The following PRTG variants were observed in gnomAD, a reference collection of about 807,000 sequenced individuals.
PRTG encodes protogenin.
Under a neutral mutation model 122.5 loss-of-function variants are expected in PRTG, and 67 were observed. The ratio of observed to expected loss-of-function variants is 0.55; its 90% CI spans 0.45 to 0.67. PRTG has a LOEUF of 0.67. Among genes scored for constraint, PRTG ranks in the 30% least tolerant of loss-of-function variants. The pLI is 0.00. For synonymous variants in PRTG, 554 were observed against 501.1 expected, an observed-to-expected ratio of 1.11 and a Z score of -1.41; for missense variants, 1,435 against 1,415.4, an observed-to-expected ratio of 1.01 and a Z score of -0.22.
chr15:55,647,511 T>G (rs1174126532), intron 11 of PRTG, among the ~76,000 whole-genome samples: 3 of 152,174 alleles, frequency 2.0e-5, no homozygotes, highest in Non-Finnish European at 1.5e-5. Context: ...CTTGAGCAAG[T>G]TTCTTTCTTT....
chr15:55,734,356 T>A (rs1490354796), intron 2 of PRTG, among the ~76,000 whole-genome samples: 1 of 152,100 alleles, frequency 6.6e-6, no homozygotes, highest in Non-Finnish European at 1.5e-5. Flanking sequence ...TTTAAAGTAG[T>A]CTGCATAAAA....
At chr15:55,640,032 A>G (rs1276734616) in intron 12 of PRTG, 1 of 798,528 alleles carries the variant, frequency 1.3e-6, no homozygotes, top group Non-Finnish European at 1.5e-6. Context: ...ACAGTCATGC[A>G]TCACTAAAGA....
intron 11 of PRTG, among the ~76,000 whole-genome samples, chr15:55,660,760 A>T (rs538457427): frequency 2.6e-5 from 4 of 152,368 alleles, no homozygotes; most frequent in African/African-American, 9.6e-5. Context: ...AAAAAAATAA[A>T]GCAGTAAAAT....
chr15:55,740,219 T>A (rs1312004822), intron 2 of PRTG, among the ~76,000 whole-genome samples, 163 bp downstream of exon 2: 1 of 152,230 alleles, frequency 6.6e-6, no homozygotes, highest in African/African-American at 2.4e-5. Context: ...TTTATATACG[T>A]ATTTTTTTCA....
At chr15:55,738,744 A>T in intron 2 of PRTG, 1 of 200,200 alleles carries the variant, frequency 5.0e-6, no homozygotes, top group African/African-American at 2.4e-5. Flanking sequence ...GCATGCAGGC[A>T]GGCAGAGGGA....
At chr15:55,721,917 T>G (rs759090534) in intron 2 of PRTG, among the ~76,000 whole-genome samples, 7 of 152,174 alleles carry the variant, frequency 4.6e-5, no homozygotes, top group Non-Finnish European at 8.8e-5. Flanking sequence ...TTCAATTACC[T>G]CCCACCAGGT....
intron 2 of PRTG, among the ~76,000 whole-genome samples, chr15:55,698,028 G>T (rs2059641249): frequency 6.6e-6 from 1 of 151,814 alleles, no homozygotes; most frequent in Non-Finnish European, 1.5e-5. Flanking sequence ...TTCACTTCTG[G>T]TTCTGAGGAA....
Position 55,619,817 on chromosome 15 carries a change from T to C in PRTG, c.*195A>G. 1 of 852,068 alleles carries C rather than the reference T, an allele frequency of 1.2e-6. No individual in the cohort carries two copies. The highest frequency in any genetic ancestry group is 1.7e-6 in the Non-Finnish European group (1 of 579,638). The allele number at this position is 852,068 out of a possible 1,614,324, so 52.8% of individuals were successfully genotyped here. A position where few individuals can be genotyped will look rare whatever the true frequency, so the allele number is the denominator to read the frequency against. ...AAAGGCTTTGGTTCCCTGTTCATTGTCCTTCGAACAGATTTAATGGTGAGA... is the reference window on the plus strand; with the variant it reads ...AAAGGCTTTGGTTCCCTGTTCATTGCCCTTCGAACAGATTTAATGGTGAGA... On this transcript the variant is annotated 3_prime_UTR_variant, in exon 20 of 20. Coordinates refer to ENST00000389286, the MANE Select transcript of PRTG (RefSeq NM_173814.6).
intron 11 of PRTG, among the ~76,000 whole-genome samples, chr15:55,664,431 C>G (rs1042267646): frequency 7.2e-5 from 11 of 152,214 alleles, no homozygotes; most frequent in Admixed American, 7.2e-4. Context: ...GCGTGAGCCA[C>G]TGCGCCTGGC....
intron 2 of PRTG, among the ~76,000 whole-genome samples, chr15:55,722,724 C>T (rs1263728135): frequency 1.3e-5 from 2 of 152,146 alleles, no homozygotes; most frequent in African/African-American, 4.8e-5. Context: ...TGCTCCTTCC[C>T]ACTAAAAACA....
intron 15 of PRTG, among the ~76,000 whole-genome samples, 177 bp from the exon 16 acceptor site, chr15:55,629,181 T>C (rs1375965818): frequency 1.3e-5 from 2 of 152,094 alleles, no homozygotes; most frequent in African/African-American, 4.8e-5. Context: ...ATTGTTAACA[T>C]TGTAGTGTAT....
chr15:55,740,584 T>C lies in PRTG; in HGVS notation c.195A>G (p.Glu65=). The C allele has an allele frequency of 6.2e-7, 1 of 1,614,192 alleles. No homozygotes were observed. The highest frequency in any genetic ancestry group is 8.5e-7 in the Non-Finnish European group (1 of 1,180,034). ...PVVLDCQAHG[E]VPIKVTWLKN... is the part of the protein sequence containing the mutation. ...TCAACCATGTGACCTTAATAGGAAC[T>C]TCTCCGTGAGCCTGGCAATCTAAAA... Residue 65 remains glutamate, a synonymous_variant, in exon 2 of 20, where the codon GAA becomes GAG. Transcript: ENST00000389286.
chr15:55,702,305 G>A (rs1293415511), intron 2 of PRTG, among the ~76,000 whole-genome samples: 1 of 152,112 alleles, frequency 6.6e-6, no homozygotes, highest in African/African-American at 2.4e-5. Context: ...ATATTCCCAG[G>A]AGCTTAGGAT....
chr15:55,667,566 T>C, intron 11 of PRTG, among the ~76,000 whole-genome samples: 1 of 152,298 alleles, frequency 6.6e-6, no homozygotes, highest in Middle Eastern at 3.4e-3. Context: ...TCAACATATT[T>C]TGGCATAATA....
chr15:55,617,358 G>A lies in PRTG; in HGVS notation c.*2654C>T, dbSNP rs1184083545. 5 of 152,036 alleles carry A rather than the reference G, an allele frequency of 3.3e-5. No homozygotes were observed. Among genetic ancestry groups the A allele is most frequent in the Admixed American group, 3.3e-4 (5 of 15,250 alleles). 9.4% of individuals were successfully genotyped at this position (152,036 alleles called of 1,614,324 possible). A position where few individuals can be genotyped will look rare whatever the true frequency, so the allele number is the denominator to read the frequency against. ...TTGGAACGATCTGCTGGTAAAGAAA[G>A]TATTACAACTTATTTTAAATGCTCT... On this transcript the variant is annotated 3_prime_UTR_variant, in exon 20 of 20. Coordinates refer to ENST00000389286, the MANE Select transcript of PRTG (RefSeq NM_173814.6).
chr15:55,680,729 T>C (rs2059533332), intron 4 of PRTG, 101 bp from the exon 5 acceptor site: 1 of 726,630 alleles, frequency 1.4e-6, no homozygotes, highest in East Asian at 3.2e-5. Flanking sequence ...TTTCTTTTTT[T>C]AAAACAACTT....
At chr15:55,734,644 T>C (rs2031352695) in intron 2 of PRTG, among the ~76,000 whole-genome samples, 1 of 151,846 alleles carries the variant, frequency 6.6e-6, no homozygotes, top group South Asian at 2.1e-4. Flanking sequence ...GCAAATCCTC[T>C]GGAAACTGAA....
chr15:55,639,803 A>C lies in PRTG; in HGVS notation c.2163T>G (p.Pro721=). The change falls in exon 13 of 20, where the codon CCT becomes CCG. Residue 721 remains proline, a synonymous_variant. Transcript: ENST00000389286. ...CVSVRDRMVP[P]PPPPHHLYAK... Reference sequence around the variant, plus strand: ...CATAGAGATGGTGGGGTGGTGGTGGAGGAGGGACCATGCGATCACGAACAG... The same window carrying C: ...CATAGAGATGGTGGGGTGGTGGTGGCGGAGGGACCATGCGATCACGAACAG... The C allele has an allele frequency of 6.2e-7, 1 of 1,614,136 alleles. No homozygotes were observed. The highest frequency in any genetic ancestry group is 8.5e-7 in the Non-Finnish European group (1 of 1,179,990).
rs773250114 is a variant in PRTG, at chr15:55,635,104, T to TGTGTGTGTGTG, written c.2623+2065_2623+2066insCACACACACAC. On this transcript the variant is annotated intron_variant, in intron 15 of 19. Transcript: ENST00000389286. Reference sequence around the variant, plus strand: ...GTGTGTGTGTGTGTGTGTGTGTGTGTTTTTTGAGACAGAGTCTCACTCTAT... The same window carrying TGTGTGTGTGTG: ...GTGTGTGTGTGTGTGTGTGTGTGTGTGTGTGTGTGTGTTTTTGAGACAGAGTCTCACTCTAT... Among the ~76,000 whole-genome samples the TGTGTGTGTGTG allele has an allele frequency of 1.9e-4, 21 of 112,706 alleles. 1 individual carries two copies. The highest frequency in any genetic ancestry group is 5.8e-4 in the South Asian group (2 of 3,468). The allele number at this position is 112,706 out of a possible 152,430, so 73.9% of individuals were successfully genotyped here. A position where few individuals can be genotyped will look rare whatever the true frequency, so the allele number is the denominator to read the frequency against.
Sources: allele counts gnomAD v4.1 joint callset (sites outside exome capture counted in the v4.1 genomes callset), GRCh38; gene constraint gnomAD v4.1.1; transcripts MANE v1.5; gene names NCBI Gene and HGNC (gene_info 2026-07-23, HGNC 2026-07-21).